The following OCA2 variants were observed in gnomAD, a reference collection of about 807,000 sequenced individuals.
OCA2 encodes P protein.
OCA2 carries 77 observed loss-of-function variants against 100.2 expected under a neutral mutation model. That is an observed-to-expected ratio of 0.77 (90% CI 0.64 to 0.93). OCA2 has a LOEUF of 0.93. Ranked by LOEUF, OCA2 falls within the 40% of genes least tolerant of loss-of-function variation. The pLI, the probability that OCA2 is intolerant of heterozygous loss-of-function variation, is 0.00. For missense variants in OCA2, 1,062 were observed against 1,089.1 expected (o/e 0.98, Z 0.35); for synonymous variants, 432 against 439.2 (o/e 0.98, Z 0.21).
At chr15:27,814,945 T>TAGATAGAG (rs71132822) in intron 23 of OCA2, among the ~76,000 whole-genome samples, 4,321 of 107,384 alleles carry the variant, frequency 0.04, 220 homozygotes, top group Middle Eastern at 0.085. Context: ...GATAGATAGA[T>TAGATAGAG]ACAGAGATAT....
intron 23 of OCA2, among the ~76,000 whole-genome samples, chr15:27,771,099 A>C (rs1380877289): frequency 2.9e-4 from 18 of 61,894 alleles, no homozygotes; most frequent in South Asian, 3.4e-4. Flanking sequence ...TTCTCCCTCC[A>C]TTTTTTGCTT....
chr15:27,927,733 C>T (rs1256852678), intron 18 of OCA2, among the ~76,000 whole-genome samples: 1 of 147,418 alleles, frequency 6.8e-6, no homozygotes, highest in Non-Finnish European at 1.5e-5. Flanking sequence ...GTAGTGGGAT[C>T]TTACTGTGGT....
chr15:27,965,505 G>T (rs2040535622), intron 15 of OCA2, among the ~76,000 whole-genome samples: 1 of 152,156 alleles, frequency 6.6e-6, no homozygotes, highest in African/African-American at 2.4e-5. Flanking sequence ...AAGTCACACA[G>T]ATCTGTCTTG....
chr15:28,081,968 T>C, intron 1 of OCA2, 73 bp from the exon 2 acceptor site: 1 of 1,242,674 alleles, frequency 8.0e-7, no homozygotes, highest in South Asian at 1.3e-5. Flanking sequence ...TGGGAGTCCG[T>C]ACAATAGGAA....
chr15:27,814,927 GATAGATAGATAGATAGAT>G (rs1162295101), intron 23 of OCA2, among the ~76,000 whole-genome samples: 86 of 150,402 alleles, frequency 5.7e-4, no homozygotes, highest in Non-Finnish European at 9.6e-4. Flanking sequence ...TAGATAGATA[GATAGATAGATAGATAGAT>G]ACAGAGATAT....
At chr15:28,091,400 T>C (rs982671805) in intron 1 of OCA2, among the ~76,000 whole-genome samples, 4 of 152,146 alleles carry the variant, frequency 2.6e-5, no homozygotes, top group African/African-American at 9.7e-5. Context: ...CTTATGAATA[T>C]GGTGCAAAAA....
chr15:27,722,991 A>C, the OCA2 span, among the ~76,000 whole-genome samples: 1 of 151,568 alleles, frequency 6.6e-6, no homozygotes, highest in Non-Finnish European at 1.5e-5. Flanking sequence ...ACAGGCATGC[A>C]CCACCATGCC....
intron 23 of OCA2, among the ~76,000 whole-genome samples, chr15:27,821,491 C>T (rs2034500114): frequency 6.6e-6 from 1 of 151,938 alleles, no homozygotes; most frequent in South Asian, 2.1e-4. Flanking sequence ...TGCACGCACA[C>T]CCACACAGGT....
At chr15:27,902,262 T>C (rs973442280) in intron 19 of OCA2, among the ~76,000 whole-genome samples, 3 of 152,208 alleles carry the variant, frequency 2.0e-5, no homozygotes, top group Middle Eastern at 6.8e-3. Context: ...GGGGAAAATT[T>C]AAATACGTGA....
intron 14 of OCA2, among the ~76,000 whole-genome samples, chr15:27,970,113 G>A (rs931331603): frequency 2.6e-5 from 4 of 151,976 alleles, no homozygotes; most frequent in Admixed American, 1.3e-4. Context: ...AGGGGTCCTG[G>A]CACACATGGG....
intron 19 of OCA2, among the ~76,000 whole-genome samples, chr15:27,885,121 G>A (rs189110304): frequency 6.6e-6 from 1 of 152,204 alleles, no homozygotes; most frequent in Non-Finnish European, 1.5e-5. Context: ...TAGTTTATGA[G>A]GAAAGGTAAC....
intron 18 of OCA2, among the ~76,000 whole-genome samples, chr15:27,945,838 C>G (rs537217906): frequency 6.6e-6 from 1 of 152,122 alleles, no homozygotes; most frequent in African/African-American, 2.4e-5. Context: ...GCCTAGGAAA[C>G]AGCTCATCAA....
At chr15:28,041,092 T>C (rs1258714699) in intron 2 of OCA2, among the ~76,000 whole-genome samples, 1 of 152,116 alleles carries the variant, frequency 6.6e-6, no homozygotes, top group East Asian at 1.9e-4. Flanking sequence ...TGAATACTGA[T>C]GCAAAAATCC....
At chr15:27,891,816 T>A (rs2037473098) in intron 19 of OCA2, among the ~76,000 whole-genome samples, 1 of 152,088 alleles carries the variant, frequency 6.6e-6, no homozygotes, top group Non-Finnish European at 1.5e-5. Flanking sequence ...TTTCTAAACA[T>A]ATCAACCAAA....
At chr15:27,956,696 T>C (rs561881318) in intron 16 of OCA2, among the ~76,000 whole-genome samples, 1 of 152,340 alleles carries the variant, frequency 6.6e-6, no homozygotes, top group South Asian at 2.1e-4. Context: ...CTGAGGACAC[T>C]GGTCCTGCTG....
At chr15:27,811,200 A>AT (rs1555409703) in intron 23 of OCA2, among the ~76,000 whole-genome samples, 1 of 152,026 alleles carries the variant, frequency 6.6e-6, no homozygotes, top group South Asian at 2.1e-4. Flanking sequence ...TAAAAAAAAA[A>AT]TGTCTTTTGC....
intron 16 of OCA2, among the ~76,000 whole-genome samples, chr15:27,955,638 G>A (rs898445629): frequency 6.6e-6 from 1 of 152,120 alleles, no homozygotes; most frequent in Non-Finnish European, 1.5e-5. Context: ...AAAGAAAAAC[G>A]TGGTAAAAGA....
the OCA2 span, among the ~76,000 whole-genome samples, chr15:27,722,483 C>T: frequency 6.6e-6 from 1 of 152,204 alleles, no homozygotes; most frequent in Non-Finnish European, 1.5e-5. Flanking sequence ...GTAGCAGTGG[C>T]CATCTAATAC....
intron 9 of OCA2, among the ~76,000 whole-genome samples, chr15:28,004,718 AAC>A (rs1183300834): frequency 6.6e-6 from 1 of 152,140 alleles, no homozygotes; most frequent in Non-Finnish European, 1.5e-5. Flanking sequence ...GCACAGACAC[AAC>A]AGAGTCACAC....
Sources: gnomAD v4.1 joint callset for allele counts (sites outside exome capture counted in the v4.1 genomes callset) on GRCh38, gnomAD v4.1.1 for gene constraint, MANE v1.5 for transcripts, NCBI Gene and HGNC (gene_info 2026-07-23, HGNC 2026-07-21) for gene names.